Variants in GRIK2 observed in about 807,000 individuals in gnomAD.
GRIK2 encodes the protein glutamate ionotropic receptor kainate type subunit 2, also known as glutamate receptor ionotropic, kainate 2.
Under a neutral mutation model 100.3 loss-of-function variants are expected in GRIK2, and 32 were observed. The ratio of observed to expected loss-of-function variants is 0.32; its 90% CI spans 0.24 to 0.43. The LOEUF is 0.43. Among genes scored for constraint, GRIK2 ranks in the 20% least tolerant of loss-of-function variants. The probability of loss-of-function intolerance (pLI) is 1.00; values close to 1 mark genes in which losing one functional copy is unlikely to be tolerated. For synonymous variants in GRIK2, 417 were observed against 389.4 expected (o/e 1.07, Z -0.83); for missense variants, 843 against 1,114.9 (o/e 0.76, Z 3.47).
intron 2 of GRIK2, among the ~76,000 whole-genome samples, chr6:101,510,068 T>C (rs1338063041): frequency 6.6e-6 from 1 of 152,218 alleles, no homozygotes; most frequent in Non-Finnish European, 1.5e-5. Context: ...TTCTAAATTT[T>C]TTTAAATTCC....
chr6:101,616,474 A>T (rs1251122128), intron 2 of GRIK2, among the ~76,000 whole-genome samples: 1 of 151,798 alleles, frequency 6.6e-6, no homozygotes, highest in African/African-American at 2.4e-5. Flanking sequence ...GTCATGAAAT[A>T]CCTTCTATAG....
intron 15 of GRIK2, among the ~76,000 whole-genome samples, chr6:102,044,867 C>T (rs909633332): frequency 6.6e-6 from 1 of 151,968 alleles, no homozygotes; most frequent in Non-Finnish European, 1.5e-5. Context: ...CTTATGCTGA[C>T]CTTTTCATCT....
At chr6:101,516,845 T>C (rs751991984) in intron 2 of GRIK2, among the ~76,000 whole-genome samples, 4 of 152,102 alleles carry the variant, frequency 2.6e-5, no homozygotes, top group Non-Finnish European at 5.9e-5. Flanking sequence ...ACCCTTAATA[T>C]ATATATATGT....
chr6:101,747,080 T>G (rs1776464573), intron 7 of GRIK2, among the ~76,000 whole-genome samples: 1 of 152,362 alleles, frequency 6.6e-6, no homozygotes, highest in Admixed American at 6.5e-5. Flanking sequence ...CGTGTCCCTT[T>G]GAAAATACTT....
intron 4 of GRIK2, among the ~76,000 whole-genome samples, chr6:101,675,564 T>C (rs1770774518): frequency 6.6e-6 from 1 of 152,158 alleles, no homozygotes; most frequent in Non-Finnish European, 1.5e-5. Context: ...CTTTTCACAC[T>C]CTTTTATATA....
At chr6:101,439,706 T>C (rs776539511) in intron 2 of GRIK2, among the ~76,000 whole-genome samples, 2 of 152,122 alleles carry the variant, frequency 1.3e-5, no homozygotes, top group African/African-American at 4.8e-5. Flanking sequence ...TGCATTGTAG[T>C]TGAAATAACA....
chr6:101,409,102 TTGTGTATGTGTG>T (rs1476478564), intron 2 of GRIK2, among the ~76,000 whole-genome samples: 147 of 133,734 alleles, frequency 1.1e-3, no homozygotes, highest in African/African-American at 4.0e-3. Context: ...ACCTGAAACA[TTGTGTATGTGTG>T]TGTGTGTGTG....
intron 2 of GRIK2, among the ~76,000 whole-genome samples, chr6:101,584,418 G>A (rs901320929): frequency 6.6e-6 from 1 of 151,932 alleles, no homozygotes; most frequent in South Asian, 2.1e-4. Flanking sequence ...CAATTTCACA[G>A]AACTTATTTT....
At chr6:101,826,508 A>C (rs979820429) in intron 10 of GRIK2, among the ~76,000 whole-genome samples, 3 of 152,000 alleles carry the variant, frequency 2.0e-5, no homozygotes, top group African/African-American at 7.2e-5. Flanking sequence ...ACTTTTGAGC[A>C]GTCAAATCTT....
At chr6:101,516,641 T>TAA (rs1371374558) in intron 2 of GRIK2, among the ~76,000 whole-genome samples, 1 of 152,100 alleles carries the variant, frequency 6.6e-6, no homozygotes, top group Non-Finnish European at 1.5e-5. Context: ...TTCTTAATGG[T>TAA]ACAGTAATCC....
At chr6:101,572,239 T>C (rs1465839859) in intron 2 of GRIK2, among the ~76,000 whole-genome samples, 1 of 152,180 alleles carries the variant, frequency 6.6e-6, no homozygotes, top group Non-Finnish European at 1.5e-5. Flanking sequence ...GGTAGCAAAT[T>C]CTTTCTAATG....
intron 2 of GRIK2, among the ~76,000 whole-genome samples, chr6:101,555,684 G>A (rs1776704416): frequency 6.6e-6 from 1 of 152,172 alleles, no homozygotes; most frequent in African/African-American, 2.4e-5. Flanking sequence ...AATATGAATT[G>A]TTTCATTAAA....
At chr6:101,948,239 T>C (rs1791391547) in intron 14 of GRIK2, among the ~76,000 whole-genome samples, 1 of 151,664 alleles carries the variant, frequency 6.6e-6, no homozygotes. Context: ...GCATGAATAC[T>C]GAGTAATTAT....
At chr6:101,949,554 T>C (rs1162056778) in intron 14 of GRIK2, among the ~76,000 whole-genome samples, 4 of 152,138 alleles carry the variant, frequency 2.6e-5, no homozygotes, top group Non-Finnish European at 5.9e-5. Context: ...TTCCCTGCCC[T>C]GTGTCCATGC....
At chr6:101,508,476 A>G (rs972386550) in intron 2 of GRIK2, among the ~76,000 whole-genome samples, 5 of 152,114 alleles carry the variant, frequency 3.3e-5, no homozygotes, top group African/African-American at 1.2e-4. Context: ...GCTTAATATA[A>G]CAGATTATAT....
intron 2 of GRIK2, among the ~76,000 whole-genome samples, chr6:101,583,758 T>C (rs925410770): frequency 3.3e-5 from 5 of 152,152 alleles, no homozygotes; most frequent in African/African-American, 1.2e-4. Context: ...AACTGGCTTT[T>C]TTTGTCCTTT....
Position 101,456,310 on chromosome 6 carries a change from C to T in GRIK2, c.115+56918C>T, listed in dbSNP as rs189294856. Among the ~76,000 whole-genome samples the T allele has an allele frequency of 4.5e-3, 680 of 151,978 alleles. 3 individuals are homozygous for T. The highest frequency in any genetic ancestry group is 4.6e-3 in the Non-Finnish European group (313 of 67,928). On this transcript the variant is annotated intron_variant, in intron 2 of 16. Coordinates refer to ENST00000369134, the MANE Select transcript of GRIK2 (RefSeq NM_021956.5). Reference sequence around the variant, plus strand: ...CTTAAGTGAAATGCAGAATTAGGTACTCACACATTTTCAATTTGAGGAGGA... The same window carrying T: ...CTTAAGTGAAATGCAGAATTAGGTATTCACACATTTTCAATTTGAGGAGGA...
At chr6:101,611,088 A>G (rs929516352) in intron 2 of GRIK2, among the ~76,000 whole-genome samples, 5 of 151,800 alleles carry the variant, frequency 3.3e-5, no homozygotes. Context: ...TTAATGGTCC[A>G]TTTATAGAAA....
At chr6:101,928,160 G>T in intron 13 of GRIK2, 7 of 446,834 alleles carry the variant, frequency 1.6e-5, no homozygotes, top group South Asian at 3.7e-5. Context: ...ATTTTAATTG[G>T]AACTTTGCAT....
Sources: gnomAD v4.1 joint callset for allele counts (sites outside exome capture counted in the v4.1 genomes callset) on GRCh38, gnomAD v4.1.1 for gene constraint, MANE v1.5 for transcripts, NCBI Gene and HGNC (gene_info 2026-07-23, HGNC 2026-07-21) for gene names.